Variants in C9orf153 observed in about 807,000 individuals in gnomAD.
C9orf153 encodes the protein chromosome 9 open reading frame 153.
C9orf153 carries 10 observed loss-of-function variants against 9.0 expected under a neutral mutation model. The ratio of observed to expected loss-of-function variants is 1.11; its 90% CI spans 0.69 to 1.89. The LOEUF is 1.89. Ranked by LOEUF, C9orf153 falls within the 40% of genes most tolerant of loss-of-function variation. The pLI, the probability that C9orf153 is intolerant of heterozygous loss-of-function variation, is 0.00. For synonymous variants in C9orf153, 35 were observed against 37.3 expected (o/e 0.94, Z 0.23); for missense variants, 108 against 111.0 (o/e 0.97, Z 0.12).
Position 86,233,647 on chromosome 9 carries a change from C to A in C9orf153, c.-26-4018G>T, listed in dbSNP as rs1287194329. On this transcript the variant is annotated intron_variant, in intron 1 of 3. Transcript: ENST00000339137. Reference sequence around the variant, plus strand: ...GGCCAGGCTGGTCTCAAACTCCTGACCTCAGGTGATCCACCTGCCCTGGCC... The same window carrying A: ...GGCCAGGCTGGTCTCAAACTCCTGAACTCAGGTGATCCACCTGCCCTGGCC... 2.0e-5 allele frequency among the ~76,000 whole-genome samples: 3 copies of A among 152,038 alleles called. No homozygotes were observed. In the East Asian group the frequency reaches 5.8e-4, roughly 29 times the overall value.
rs1179478933 is a variant in C9orf153, at chr9:86,221,599, T to C, written c.*89A>G. 1.4e-6 allele frequency: 2 copies of C among 1,463,864 alleles called. No homozygotes were observed. Among genetic ancestry groups the C allele is most frequent in the African/African-American group, 1.4e-5 (1 of 69,328 alleles). The allele number at this position is 1,463,864 out of a possible 1,614,324, so 90.7% of individuals were successfully genotyped here. ...ATAGGGGGGAAAATAACGTCAGGCA[T>C]GTCCTGGCTCTCTACAAATCTCTTC... On this transcript the variant is annotated 3_prime_UTR_variant, in exon 4 of 4. Transcript: ENST00000339137.
In C9orf153 at chr9:86,253,690, G is replaced by A. The variant is rs149293280; in HGVS notation, c.-27+5860C>T. Among the ~76,000 whole-genome samples the A allele has an allele frequency of 2.5e-3, 382 of 152,230 alleles. 8 individuals carry two copies. Among genetic ancestry groups the A allele is most frequent in the Admixed American group, 0.022 (337 of 15,292 alleles). On this transcript the variant is annotated intron_variant, in intron 1 of 3. Transcript: ENST00000339137. ...GCTCACTAAAGCCTTAAAGTCTTGC[G>A]CTCAAGAGATCTTCCCACTTCAGCC...
Position 86,221,598 on chromosome 9 carries a change from A to G in C9orf153, c.*90T>C, listed in dbSNP as rs1267875827. 2 of 1,460,254 alleles carry G rather than the reference A, an allele frequency of 1.4e-6. No homozygotes were observed. The highest frequency in any genetic ancestry group is 5.4e-5 in the East Asian group (2 of 36,814). 90.5% of individuals were successfully genotyped at this position (1,460,254 alleles called of 1,614,324 possible). On this transcript the variant is annotated 3_prime_UTR_variant, in exon 4 of 4. Coordinates refer to ENST00000339137, the MANE Select transcript of C9orf153 (RefSeq NM_001276366.4). Reference sequence around the variant, plus strand: ...TATAGGGGGGAAAATAACGTCAGGCATGTCCTGGCTCTCTACAAATCTCTT... The same window carrying G: ...TATAGGGGGGAAAATAACGTCAGGCGTGTCCTGGCTCTCTACAAATCTCTT...
intron 1 of C9orf153, among the ~76,000 whole-genome samples, chr9:86,251,888 A>C (rs1022445501): frequency 1.4e-5 from 2 of 138,520 alleles, no homozygotes; most frequent in Admixed American, 1.5e-4. Flanking sequence ...AGATAGTAAA[A>C]GGTTTTTCTT....
chr9:86,243,006 G>A (rs1010541176), intron 1 of C9orf153, among the ~76,000 whole-genome samples: 1 of 152,196 alleles, frequency 6.6e-6, no homozygotes, highest in Non-Finnish European at 1.5e-5. Context: ...ATAGAAGGGA[G>A]TTAGTGCGAA....
chr9:86,258,796 G>A (rs1197486912), intron 1 of C9orf153: 1 of 151,510 alleles, frequency 6.6e-6, no homozygotes, highest in African/African-American at 2.4e-5. Flanking sequence ...AAAGTACAAT[G>A]TTCCCACAAC....
Position 86,254,252 on chromosome 9 carries a change from G to T in C9orf153, c.-27+5298C>A, listed in dbSNP as rs892508045. Among the ~76,000 whole-genome samples the T allele has an allele frequency of 2.6e-5, 4 of 152,180 alleles. No homozygotes were observed. In the East Asian group the frequency reaches 7.7e-4, roughly 29 times the overall value. ...TTCTTACCTTGTCCATTGTTTTTGC[G>T]TTTTTATTATTTGCCTCCGGTTTGG... On this transcript the variant is annotated intron_variant, in intron 1 of 3. Coordinates refer to ENST00000339137, the MANE Select transcript of C9orf153 (RefSeq NM_001276366.4).
intron 1 of C9orf153, among the ~76,000 whole-genome samples, chr9:86,237,897 G>A (rs1203323656): frequency 6.6e-6 from 1 of 152,048 alleles, no homozygotes; most frequent in East Asian, 1.9e-4. Flanking sequence ...TGGCCAACAT[G>A]GCGAAACCCT....
chr9:86,229,785 A>G (rs1014875007), intron 1 of C9orf153, among the ~76,000 whole-genome samples, 156 bp from the exon 2 acceptor site: 6 of 152,222 alleles, frequency 3.9e-5, no homozygotes, highest in Non-Finnish European at 7.3e-5. Context: ...ATTGCTCTAA[A>G]GAAATATCTG....
chr9:86,259,083 G>T (rs1825190056), intron 1 of C9orf153, among the ~76,000 whole-genome samples: 1 of 151,048 alleles, frequency 6.6e-6, no homozygotes, highest in Non-Finnish European at 1.5e-5. Context: ...CAGCTGGAGT[G>T]CAGTGGCGTG....
intron 1 of C9orf153, among the ~76,000 whole-genome samples, chr9:86,243,177 T>C (rs962771629): frequency 1.3e-5 from 2 of 152,200 alleles, no homozygotes; most frequent in Non-Finnish European, 2.9e-5. Flanking sequence ...GTCTATCGAG[T>C]TACTATTGTA....
intron 1 of C9orf153, among the ~76,000 whole-genome samples, chr9:86,240,707 C>CTTTTT (rs367674249): frequency 6.8e-5 from 8 of 117,006 alleles, no homozygotes; most frequent in South Asian, 2.7e-4. Flanking sequence ...TTTTCTTTTT[C>CTTTTT]TTTTTTTTTT....
chr9:86,234,812 G>A (rs1824543865), intron 1 of C9orf153, among the ~76,000 whole-genome samples: 1 of 152,186 alleles, frequency 6.6e-6, no homozygotes. Context: ...CATCTGACAA[G>A]GAACTTGTAT....
At chr9:86,239,075 C>G (rs1824668878) in intron 1 of C9orf153, among the ~76,000 whole-genome samples, 1 of 151,690 alleles carries the variant, frequency 6.6e-6, no homozygotes, top group African/African-American at 2.4e-5. Flanking sequence ...TCCTGGCCAA[C>G]ATGGTGAAAC....
chr9:86,222,469 C>T (rs1249551131), intron 3 of C9orf153, among the ~76,000 whole-genome samples: 2 of 152,076 alleles, frequency 1.3e-5, no homozygotes, highest in African/African-American at 2.4e-5. Flanking sequence ...TTCCAAGATG[C>T]TAATGTAAGC....
intron 1 of C9orf153, among the ~76,000 whole-genome samples, chr9:86,253,818 G>A (rs952694251): frequency 2.4e-4 from 36 of 152,140 alleles, no homozygotes; most frequent in African/African-American, 8.0e-4. Flanking sequence ...TTGGCTGGGC[G>A]TGGTGGCTCA....
Position 86,221,310 on chromosome 9 carries a change from T to A in C9orf153, c.*378A>T, listed in dbSNP as rs115745129. On this transcript the variant is annotated 3_prime_UTR_variant, in exon 4 of 4. Coordinates refer to ENST00000339137, the MANE Select transcript of C9orf153 (RefSeq NM_001276366.4). ...AATGGGTTGCACCGTCCAAACCACT[T>A]CTCACGTTAGCAGATTAAATCGGAC... The A allele has an allele frequency of 5.2e-3, 893 of 172,142 alleles. 15 individuals are homozygous for A. Among genetic ancestry groups the A allele is most frequent in the African/African-American group, 0.018 (759 of 42,296 alleles). 10.7% of individuals were successfully genotyped at this position (172,142 alleles called of 1,614,324 possible).
intron 1 of C9orf153, among the ~76,000 whole-genome samples, chr9:86,251,385 A>G (rs147339323): frequency 4.5e-4 from 69 of 152,298 alleles, no homozygotes; most frequent in African/African-American, 1.6e-3. Context: ...AATTGTTAGT[A>G]TGTGACTAAC....
chr9:86,254,767 AGAGAC>A (rs1825075467), intron 1 of C9orf153, among the ~76,000 whole-genome samples: 1 of 152,178 alleles, frequency 6.6e-6, no homozygotes. Context: ...TTCAGAACTA[AGAGAC>A]TTGGCCGGGC....
Sources: gnomAD v4.1 joint callset for allele counts (sites outside exome capture counted in the v4.1 genomes callset) on GRCh38, gnomAD v4.1.1 for gene constraint, MANE v1.5 for transcripts, NCBI Gene and HGNC (gene_info 2026-07-23, HGNC 2026-07-21) for gene names.